Variants in GRIK4 observed in about 807,000 individuals in gnomAD.
GRIK4 encodes the protein glutamate receptor ionotropic, kainate 4.
Under a neutral mutation model 104.9 loss-of-function variants are expected in GRIK4, and 40 were observed. The ratio of observed to expected loss-of-function variants is 0.38; its 90% confidence interval spans 0.30 to 0.50. GRIK4 has a LOEUF of 0.50. GRIK4 is among the 20% of genes least tolerant of loss of function. GRIK4 has a pLI of 0.93. For synonymous variants in GRIK4, 485 were observed against 524.9 expected (o/e 0.92, Z 1.04); for missense variants, 1,047 against 1,308.1 (o/e 0.80, Z 3.08).
intron 3 of GRIK4, among the ~76,000 whole-genome samples, chr11:120,773,482 A>AGAAAGCT (rs1951984775): frequency 6.6e-6 from 1 of 152,254 alleles, no homozygotes; most frequent in Non-Finnish European, 1.5e-5. Flanking sequence ...AAACACGGAG[A>AGAAAGCT]GAAAGCTGAA....
intron 3 of GRIK4, among the ~76,000 whole-genome samples, chr11:120,784,985 C>G (rs923961980): frequency 3.3e-5 from 5 of 152,142 alleles, no homozygotes; most frequent in African/African-American, 1.2e-4. Context: ...GGCTAGGTCT[C>G]CCCTGGAGGT....
intron 11 of GRIK4, among the ~76,000 whole-genome samples, chr11:120,889,535 T>G (rs1048672972): frequency 6.7e-6 from 1 of 148,878 alleles, no homozygotes; most frequent in Non-Finnish European, 1.5e-5. Context: ...CATCTGACTT[T>G]GGATGTCCCT....
chr11:120,599,525 C>T (rs943462479), intron 1 of GRIK4, among the ~76,000 whole-genome samples: 1 of 152,200 alleles, frequency 6.6e-6, no homozygotes, highest in Non-Finnish European at 1.5e-5. Context: ...AAGGAAGGAA[C>T]GGTTCAGAAG....
chr11:120,803,116 T>C (rs1029287839), intron 4 of GRIK4, among the ~76,000 whole-genome samples: 3 of 152,232 alleles, frequency 2.0e-5, no homozygotes. Context: ...CATTGCTTCA[T>C]ATATTGATTC....
intron 1 of GRIK4, among the ~76,000 whole-genome samples, chr11:120,522,040 C>T (rs1269598776): frequency 6.6e-6 from 1 of 152,196 alleles, no homozygotes; most frequent in Non-Finnish European, 1.5e-5. Flanking sequence ...CCACTTTACA[C>T]ATGAGGAAAT....
chr11:120,807,807 C>T (rs759564741), intron 4 of GRIK4, among the ~76,000 whole-genome samples: 77 of 152,220 alleles, frequency 5.1e-4, no homozygotes, highest in African/African-American at 1.5e-3. Context: ...TAGAAATCAT[C>T]TGGTCCAACC....
At chr11:120,672,118 G>A (rs147918597) in intron 3 of GRIK4, among the ~76,000 whole-genome samples, 17 of 152,046 alleles carry the variant, frequency 1.1e-4, no homozygotes, top group African/African-American at 3.6e-4. Context: ...GCTCTTTTTT[G>A]GTTCCATATG....
intron 11 of GRIK4, among the ~76,000 whole-genome samples, chr11:120,876,242 C>T (rs1479190686): frequency 1.4e-5 from 2 of 141,810 alleles, no homozygotes; most frequent in Admixed American, 7.0e-5. Flanking sequence ...ATTACTACCA[C>T]CACCACCACC....
At position 120,969,875 on chromosome 11, in the gene GRIK4, G is replaced by A. The variant is rs892137491; in HGVS notation, c.2395+2552G>A. On this transcript the variant is annotated intron_variant, in intron 19 of 20. Coordinates refer to ENST00000527524, the MANE Select transcript of GRIK4 (RefSeq NM_014619.5). ...TCTAGGTATCTTTCTTCCTAGAAAC[G>A]CTTGATCTCCCTCTCCCCTCACCAC... Among the ~76,000 whole-genome samples the A allele has an allele frequency of 6.6e-5, 10 of 152,064 alleles. No individual in the cohort carries two copies. In the East Asian group the frequency reaches 1.2e-3, roughly 18 times the overall value.
chr11:120,534,466 A>G (rs1395305547), intron 1 of GRIK4, among the ~76,000 whole-genome samples: 5 of 152,222 alleles, frequency 3.3e-5, no homozygotes, highest in African/African-American at 1.2e-4. Context: ...AAGAATGTTT[A>G]ACGCGACCAA....
Position 120,962,657 on chromosome 11 carries a change from G to C in GRIK4, c.2242G>C (p.Gly748Arg). ...TQIGGLLDTK[G>R]YGIGMPVGSV... is the part of the protein sequence containing the mutation. ...GATTGGGGGCCTGCTGGACACCAAG[G>C]GCTATGGGATTGGCATGCCAGTCGG... Residue 748 changes from glycine (G) to arginine (R), a missense_variant, in exon 18 of 21, where the codon GGC (glycine) becomes CGC (arginine). Gly to Arg is a moderately radical substitution (Grantham distance 125). Around this residue, in one of 3 missense-constraint regions of GRIK4, gnomAD observed 440 missense variants for 652.3 expected, o/e 0.67. Transcript: ENST00000527524. 1 of 1,613,236 alleles carries C rather than the reference G, an allele frequency of 6.2e-7. No individual in the cohort carries two copies. Among genetic ancestry groups the C allele is most frequent in the South Asian group, 1.1e-5 (1 of 91,040 alleles).
At chr11:120,635,388 C>A (rs535970287) in intron 1 of GRIK4, among the ~76,000 whole-genome samples, 1 of 152,242 alleles carries the variant, frequency 6.6e-6, no homozygotes, top group East Asian at 1.9e-4. Context: ...CTGAGTCCTG[C>A]GTGCCGCAGT....
intron 8 of GRIK4, among the ~76,000 whole-genome samples, chr11:120,848,385 G>A (rs1565390447): frequency 6.6e-6 from 1 of 152,190 alleles, no homozygotes; most frequent in Non-Finnish European, 1.5e-5. Flanking sequence ...CCTAGCGCAG[G>A]CTCTGGTTCA....
At chr11:120,773,329 C>T (rs1951982270) in intron 3 of GRIK4, among the ~76,000 whole-genome samples, 1 of 152,184 alleles carries the variant, frequency 6.6e-6, no homozygotes, top group Admixed American at 6.5e-5. Flanking sequence ...CAGCAGATGT[C>T]TATTTCCGAC....
chr11:120,809,134 G>T (rs1423998381), intron 4 of GRIK4, among the ~76,000 whole-genome samples: 1 of 152,192 alleles, frequency 6.6e-6, no homozygotes, highest in Non-Finnish European at 1.5e-5. Context: ...GAAGATGCAG[G>T]AAAGGGGAAA....
chr11:120,638,882 G>T (rs1949433678), intron 1 of GRIK4, among the ~76,000 whole-genome samples: 1 of 152,000 alleles, frequency 6.6e-6, no homozygotes, highest in Non-Finnish European at 1.5e-5. Context: ...GGTGGCCCTT[G>T]ACCTTACAAG....
At chr11:120,558,829 A>G (rs1205949223) in intron 1 of GRIK4, among the ~76,000 whole-genome samples, 2 of 152,184 alleles carry the variant, frequency 1.3e-5, no homozygotes, top group Admixed American at 6.5e-5. Flanking sequence ...CCTTCTGGAC[A>G]TGGTATGGGT....
At chr11:120,534,156 G>A (rs1947948701) in intron 1 of GRIK4, among the ~76,000 whole-genome samples, 1 of 152,096 alleles carries the variant, frequency 6.6e-6, no homozygotes, top group Non-Finnish European at 1.5e-5. Context: ...ACACCTAGGG[G>A]CTGGTGGATG....
chr11:120,745,338 T>C (rs1325773824), intron 3 of GRIK4, among the ~76,000 whole-genome samples: 1 of 152,216 alleles, frequency 6.6e-6, no homozygotes, highest in Non-Finnish European at 1.5e-5. Context: ...AATTTTTTTT[T>C]CTCTCCAAAG....
Sources: allele counts gnomAD v4.1 joint callset (sites outside exome capture counted in the v4.1 genomes callset), GRCh38; gene constraint gnomAD v4.1.1; regional missense constraint gnomAD v4.1.1; transcripts MANE v1.5; gene names NCBI Gene and HGNC (gene_info 2026-07-23, HGNC 2026-07-21).